The following RUNX2 variants were observed in gnomAD, a reference collection of about 807,000 sequenced individuals.
RUNX2 encodes the protein runt-related transcription factor 2.
In RUNX2, 10 loss-of-function variants were observed where a neutral mutation model predicts 51.7. The ratio of observed to expected loss-of-function variants is 0.19; its 90% CI spans 0.12 to 0.33. The LOEUF (loss-of-function observed/expected upper bound fraction) is 0.33, where lower values mean the gene tolerates loss of function less well. RUNX2 is among the 10% of genes least tolerant of loss of function. RUNX2 has a pLI of 1.00. For synonymous variants in RUNX2, 276 were observed against 273.6 expected (o/e 1.01, Z -0.09); for missense variants, 562 against 691.3 (o/e 0.81, Z 2.10).
In RUNX2 at chr6:45,545,239, C is replaced by A; in HGVS notation, c.1044C>A (p.Asp348Glu). 2 of 1,550,054 alleles carry A rather than the reference C, an allele frequency of 1.3e-6. No homozygotes were observed. The highest frequency in any genetic ancestry group is 8.7e-7 in the Non-Finnish European group (1 of 1,146,808). Residue 348 changes from aspartate to glutamate, a missense_variant, in exon 8 of 9, where the codon GAC becomes GAA. By Grantham distance (45) the Asp-to-Glu change is conservative. Around this residue, in one of 5 missense-constraint regions of RUNX2, gnomAD observed 304 missense variants for 353.2 expected, o/e 0.86. Coordinates refer to ENST00000647337, the MANE Select transcript of RUNX2 (RefSeq NM_001024630.4). ...RISDDDTATSDFCLWPSTLSK... is the reference protein window; with the variant it reads ...RISDDDTATSEFCLWPSTLSK... ...CAGATGATGACACTGCCACCTCTGA[C>A]TTCTGCCTCTGGCCTTCCACTCTCA...
chr6:45,448,173 A>G, intron 5 of RUNX2, among the ~76,000 whole-genome samples: 1 of 152,156 alleles, frequency 6.6e-6, no homozygotes, highest in Admixed American at 6.5e-5. Context: ...TGCAGAGGAG[A>G]AAGCAAACGG....
intron 7 of RUNX2, 86 bp downstream of exon 7, chr6:45,512,493 A>G: frequency 7.0e-7 from 1 of 1,428,650 alleles, no homozygotes; most frequent in South Asian, 1.2e-5. Flanking sequence ...ATCCATGCTC[A>G]CAGTGACTCT....
intron 7 of RUNX2, among the ~76,000 whole-genome samples, chr6:45,543,545 T>C (rs944341241): frequency 1.3e-5 from 2 of 152,194 alleles, no homozygotes; most frequent in Admixed American, 1.3e-4. Context: ...TTTGGTTTTA[T>C]ATTTAGAAAA....
chr6:45,436,100 A>G (rs896327937), intron 4 of RUNX2, among the ~76,000 whole-genome samples: 13 of 152,226 alleles, frequency 8.5e-5, no homozygotes, highest in African/African-American at 2.9e-4. Context: ...AATAGCCAAT[A>G]TAGTGGATAA....
At chr6:45,442,646 G>A (rs1798874148) in intron 5 of RUNX2, among the ~76,000 whole-genome samples, 2 of 152,160 alleles carry the variant, frequency 1.3e-5, no homozygotes, top group Admixed American at 1.3e-4. Flanking sequence ...GTATTTTTTA[G>A]TTGTCTATTA....
chr6:45,348,556 T>G (rs1052488781), intron 2 of RUNX2, among the ~76,000 whole-genome samples: 1 of 148,134 alleles, frequency 6.8e-6, no homozygotes, highest in Non-Finnish European at 1.5e-5. Context: ...ATGCCTGTAG[T>G]CCCAGCTACT....
intron 7 of RUNX2, among the ~76,000 whole-genome samples, chr6:45,541,612 G>T (rs1172683734): frequency 2.0e-5 from 3 of 152,232 alleles, no homozygotes. Flanking sequence ...TTGCTGAGAA[G>T]TACAATGGCT....
At chr6:45,383,791 A>ATGT (rs201855052) in intron 2 of RUNX2, among the ~76,000 whole-genome samples, 3,060 of 152,324 alleles carry the variant, frequency 0.02, 59 homozygotes, top group South Asian at 0.085. Flanking sequence ...AAACAGGACC[A>ATGT]AAAGTTATTT....
At chr6:45,422,439 G>C (rs1327374511) in intron 2 of RUNX2, 154 bp from the exon 3 acceptor site, 8 of 676,788 alleles carry the variant, frequency 1.2e-5, no homozygotes, top group Non-Finnish European at 1.8e-5. Flanking sequence ...CATCAAACTT[G>C]ATTTCTCACC....
At chr6:45,543,023 T>A (rs1295096436) in intron 7 of RUNX2, among the ~76,000 whole-genome samples, 1 of 152,258 alleles carries the variant, frequency 6.6e-6, no homozygotes, top group East Asian at 1.9e-4. Context: ...TTGGGGGATC[T>A]CGGATCATAG....
chr6:45,394,920 G>A (rs887457065), intron 2 of RUNX2, among the ~76,000 whole-genome samples: 1 of 152,174 alleles, frequency 6.6e-6, no homozygotes, highest in African/African-American at 2.4e-5. Context: ...TGAGAACCTA[G>A]TGGGACTCCT....
chr6:45,529,373 T>C (rs966488078), intron 7 of RUNX2, among the ~76,000 whole-genome samples: 2 of 152,136 alleles, frequency 1.3e-5, no homozygotes, highest in African/African-American at 4.8e-5. Context: ...ATTTTGAGTT[T>C]TGGAAGCTCA....
chr6:45,531,224 T>C (rs1236549752), intron 7 of RUNX2, among the ~76,000 whole-genome samples: 2 of 152,176 alleles, frequency 1.3e-5, no homozygotes, highest in Non-Finnish European at 2.9e-5. Flanking sequence ...GCCTGTTGGC[T>C]ATCATCCTAA....
At chr6:45,330,740 A>C (rs966197001) in intron 2 of RUNX2, among the ~76,000 whole-genome samples, 1 of 151,704 alleles carries the variant, frequency 6.6e-6, no homozygotes, top group African/African-American at 2.4e-5. Context: ...CCAACATTAC[A>C]ACCAGTTCTT....
At chr6:45,373,219 C>G (rs1796332261) in intron 2 of RUNX2, among the ~76,000 whole-genome samples, 1 of 152,116 alleles carries the variant, frequency 6.6e-6, no homozygotes, top group Non-Finnish European at 1.5e-5. Context: ...GCTGGTATTA[C>G]AGGCATGAAG....
At position 45,347,766 on chromosome 6, in the gene RUNX2, T is replaced by A. The variant is rs189684034; in HGVS notation, c.58+18982T>A. On this transcript the variant is annotated intron_variant, in intron 2 of 8. Coordinates refer to ENST00000647337, the MANE Select transcript of RUNX2 (RefSeq NM_001024630.4). ...AAAAGAACTTCACAATTCTTTTTTT[T>A]AAAAAAAAAAGACGTATATTTCATT... Among the ~76,000 whole-genome samples, 288 of 148,748 alleles carry A rather than the reference T, an allele frequency of 1.9e-3. 1 individual carries two copies. Among genetic ancestry groups the A allele is most frequent in the African/African-American group, 4.4e-3 (179 of 40,344 alleles).
chr6:45,513,994 C>A (rs539315952), intron 7 of RUNX2, among the ~76,000 whole-genome samples: 1 of 152,080 alleles, frequency 6.6e-6, no homozygotes, highest in East Asian at 1.9e-4. Flanking sequence ...TACATAGGGC[C>A]GAAAGGACAC....
intron 2 of RUNX2, among the ~76,000 whole-genome samples, chr6:45,365,977 G>A (rs1795069583): frequency 6.6e-6 from 1 of 151,826 alleles, no homozygotes; most frequent in African/African-American, 2.4e-5. Context: ...GATAAAGTGG[G>A]TGCCAATCCT....
At chr6:45,533,132 AGG>A (rs35189372) in intron 7 of RUNX2, among the ~76,000 whole-genome samples, 3 of 127,136 alleles carry the variant, frequency 2.4e-5, no homozygotes, top group African/African-American at 1.2e-4. Flanking sequence ...ACCCCTCTGA[AGG>A]GGTGTGTGTG....
Sources: allele counts gnomAD v4.1 joint callset (sites outside exome capture counted in the v4.1 genomes callset), GRCh38; gene constraint gnomAD v4.1.1; regional missense constraint gnomAD v4.1.1; transcripts MANE v1.5; gene names NCBI Gene and HGNC (gene_info 2026-07-23, HGNC 2026-07-21).